GFRA2: variants seen among roughly 807,000 people sequenced by gnomAD.
The protein encoded by GFRA2 is GDNF family receptor alpha 2.
GFRA2 carries 17 observed loss-of-function variants against 48.3 expected under a neutral mutation model. The observed-to-expected ratio is 0.35, with a 90% CI of 0.24 to 0.53. GFRA2 has a LOEUF of 0.53. Ranked by LOEUF, GFRA2 falls within the 20% of genes least tolerant of loss-of-function variation. The pLI is 0.93. For synonymous variants in GFRA2, 305 were observed against 257.2 expected (o/e 1.19, Z -1.78); for missense variants, 660 against 637.3 (o/e 1.04, Z -0.38).
intron 3 of GFRA2, among the ~76,000 whole-genome samples, chr8:21,766,935 C>G (rs1299316720): frequency 7.2e-6 from 1 of 139,710 alleles, no homozygotes; most frequent in African/African-American, 2.8e-5. Context: ...ACACAAACAC[C>G]TACACACACT....
chr8:21,796,501 G>A lies in GFRA2; in HGVS notation c.-35-8307C>T, dbSNP rs1385438103. ...ACTGTCACTCAAAAGGCACAGGTCC[G>A]ACTGCAGGACCCAGAGGGCACCTCC... is the stretch of plus-strand genomic sequence containing the variant. On this transcript the variant is annotated intron_variant, in intron 2 of 10. Coordinates refer to the GFRA2 transcript ENST00000517328. Among the ~76,000 whole-genome samples the A allele has an allele frequency of 3.9e-5, 6 of 152,250 alleles. No homozygotes were observed. In the South Asian group the frequency reaches 8.3e-4, roughly 21 times the overall value.
Position 21,706,016 on chromosome 8 carries a change from T to C in GFRA2, c.820A>G (p.Asn274Asp), listed in dbSNP as rs1802725394. The C allele has an allele frequency of 1.3e-6, 2 of 1,577,064 alleles. No individual in the cohort carries two copies. The highest frequency in any genetic ancestry group is 1.7e-6 in the Non-Finnish European group (2 of 1,161,072). Reference protein sequence around the residue: ...CRSRLADFHANCRASYQTVTS... With the variant: ...CRSRLADFHADCRASYQTVTS... Reference sequence around the variant, plus strand: ...ACCGTCTGGTAGGAGGCTCGACAATTGGCATGGAAGTCGGCCAGCCGGGAC... The same window carrying C: ...ACCGTCTGGTAGGAGGCTCGACAATCGGCATGGAAGTCGGCCAGCCGGGAC... Residue 274 changes from asparagine to aspartate, a missense_variant, in exon 5 of 9, where the codon AAT (asparagine) becomes GAT (aspartate). Physicochemically the swap from Asn to Asp is conservative, Grantham distance 23. Coordinates refer to ENST00000524240, the MANE Select transcript of GFRA2 (RefSeq NM_001495.5).
rs759366064 is a variant in GFRA2 at position 21,706,010 on chromosome 8, G to T, written c.826C>A (p.Arg276=). The T allele has an allele frequency of 6.3e-7, 1 of 1,578,518 alleles. No homozygotes were observed. Among genetic ancestry groups the T allele is most frequent in the East Asian group, 2.3e-5 (1 of 43,126 alleles). Residue 276 remains arginine (R), a synonymous_variant, in exon 5 of 9, where the codon CGA becomes AGA. Transcript: ENST00000524240. ...CTGGTGACCGTCTGGTAGGAGGCTC[G>T]ACAATTGGCATGGAAGTCGGCCAGC... ...SRLADFHANC[R]ASYQTVTSCP... is the part of the protein sequence containing the mutation.
At chr8:21,746,628 A>G (rs1053201938) in intron 4 of GFRA2, among the ~76,000 whole-genome samples, 1 of 151,988 alleles carries the variant, frequency 6.6e-6, no homozygotes, top group African/African-American at 2.4e-5. Context: ...CAAGAAGCTC[A>G]TCTGCTTGGC....
At chr8:21,730,945 T>C (rs1344396472) in intron 4 of GFRA2, among the ~76,000 whole-genome samples, 1 of 152,142 alleles carries the variant, frequency 6.6e-6, no homozygotes, top group African/African-American at 2.4e-5. Flanking sequence ...ACCCCGAGGT[T>C]TCCACAGCGA....
upstream of GFRA2, among the ~76,000 whole-genome samples, chr8:21,790,714 TA>T (rs1244246794): frequency 6.6e-6 from 1 of 152,184 alleles, no homozygotes; most frequent in Non-Finnish European, 1.5e-5. Context: ...ACAGAGGGCT[TA>T]GGGATTGGAG....
chr8:21,787,995 C>T (rs986865900), intron 1 of GFRA2, 125 bp downstream of exon 1: 36 of 518,526 alleles, frequency 6.9e-5, no homozygotes, highest in Non-Finnish European at 9.8e-5. Context: ...CAGCACCGGG[C>T]CCGGCTAGCT....
At chr8:21,757,364 T>C (rs192885490) in intron 3 of GFRA2, among the ~76,000 whole-genome samples, 26 of 152,368 alleles carry the variant, frequency 1.7e-4, no homozygotes, top group African/African-American at 6.3e-4. Context: ...GAGTGCTCTT[T>C]AAACTCATAT....
At chr8:21,789,268 A>G (rs1362158214), upstream of GFRA2, 8 of 151,188 alleles carry the variant, frequency 5.3e-5, no homozygotes, top group African/African-American at 1.7e-4. Flanking sequence ...GCTCGAACCC[A>G]CTCAAGCGTC....
At chr8:21,731,632 G>A (rs542685872) in intron 4 of GFRA2, among the ~76,000 whole-genome samples, 11 of 151,998 alleles carry the variant, frequency 7.2e-5, no homozygotes, top group African/African-American at 1.2e-4. Flanking sequence ...TCCTTTGTGC[G>A]CCCCCATTAA....
chr8:21,748,508 C>A (rs1805119636), intron 4 of GFRA2, among the ~76,000 whole-genome samples: 1 of 152,166 alleles, frequency 6.6e-6, no homozygotes, highest in Admixed American at 6.5e-5. Flanking sequence ...ACTTCCCAAT[C>A]TCCTCTGAAA....
intron 2 of GFRA2, among the ~76,000 whole-genome samples, chr8:21,804,441 A>C (rs1238537518): frequency 3.0e-5 from 4 of 132,486 alleles, no homozygotes; most frequent in Non-Finnish European, 6.6e-5. Context: ...AAAAAACAAA[A>C]AAAAAACAAA....
intron 1 of GFRA2, among the ~76,000 whole-genome samples, chr8:21,787,661 C>A (rs1807349243): frequency 6.6e-6 from 1 of 152,216 alleles, no homozygotes; most frequent in African/African-American, 2.4e-5. Flanking sequence ...CGCCCTCCAC[C>A]ACGACCGACT....
intron 1 of GFRA2, among the ~76,000 whole-genome samples, chr8:21,808,256 C>CTTT (rs1487717008): frequency 6.6e-6 from 1 of 152,170 alleles, no homozygotes; most frequent in Non-Finnish European, 1.5e-5. Flanking sequence ...TAAGGCAAAC[C>CTTT]CTCTTGTCAT....
At chr8:21,784,089 G>A (rs1032524101) in intron 1 of GFRA2, among the ~76,000 whole-genome samples, 4 of 151,954 alleles carry the variant, frequency 2.6e-5, no homozygotes, top group Non-Finnish European at 5.9e-5. Flanking sequence ...CCCCCATCAG[G>A]CCACCTTCCC....
chr8:21,811,134 C>T (rs914165786), intron 1 of GFRA2, among the ~76,000 whole-genome samples: 2 of 152,196 alleles, frequency 1.3e-5, no homozygotes, highest in African/African-American at 4.8e-5. Context: ...AGGACACAGC[C>T]GGCATGGGCA....
intron 4 of GFRA2, among the ~76,000 whole-genome samples, chr8:21,715,509 A>G (rs912067185): frequency 1.3e-5 from 2 of 152,130 alleles, no homozygotes; most frequent in African/African-American, 2.4e-5. Context: ...GGGTTTTACC[A>G]TATTGGCCAG....
Position 21,761,665 on chromosome 8 carries a change from C to G in GFRA2, c.440-10723G>C, listed in dbSNP as rs533173872. Among the ~76,000 whole-genome samples, 3 of 152,342 alleles carry G rather than the reference C, an allele frequency of 2.0e-5. No homozygotes were observed. The East Asian group carries it at 5.8e-4, about 29-fold the overall frequency. On this transcript the variant is annotated intron_variant, in intron 3 of 8. Transcript: ENST00000524240. ...TAAATGCTTGTTTAAAAAGGTGTCA[C>G]CTGGCTGGGTGCGGTTGCTCACACC...
rs148971265 is a variant in GFRA2, at chr8:21,735,406, T to C, written c.794+15182A>G. ...TCCACCCCTGCCAGGCCCCTTGCTA[T>C]GCACCATAATACCAGCGACCACCTC... is the stretch of plus-strand genomic sequence containing the variant. On this transcript the variant is annotated intron_variant, in intron 4 of 8. Transcript: ENST00000524240. Among the ~76,000 whole-genome samples, 151 of 151,176 alleles carry C rather than the reference T, an allele frequency of 1.0e-3. 3 individuals carry two copies. The East Asian group carries it at 0.025, about 25-fold the overall frequency.
Sources: allele counts gnomAD v4.1 joint callset (sites outside exome capture counted in the v4.1 genomes callset), GRCh38; gene constraint gnomAD v4.1.1; transcripts MANE v1.5; gene names NCBI Gene and HGNC (gene_info 2026-07-23, HGNC 2026-07-21).